Variants in CCNY observed in about 807,000 individuals in gnomAD.
CCNY encodes cyclin Y.
Under a neutral mutation model 42.8 loss-of-function variants are expected in CCNY, and 19 were observed. That is an observed-to-expected ratio of 0.44 (90% CI 0.31 to 0.65). The LOEUF (loss-of-function observed/expected upper bound fraction) is 0.65. Among genes scored for constraint, CCNY ranks in the 30% least tolerant of loss-of-function variants. The pLI is 0.07. For missense variants in CCNY, 370 were observed against 437.3 expected, an observed-to-expected ratio of 0.85 and a Z score of 1.37; for synonymous variants, 165 against 162.7, an observed-to-expected ratio of 1.01 and a Z score of -0.11.
chr10:35,424,740 C>T lies in CCNY; in HGVS notation c.155-58664C>T, dbSNP rs116629051. Among the ~76,000 whole-genome samples the T allele has an allele frequency of 5.9e-3, 895 of 152,260 alleles. 12 individuals are homozygous for T. The highest frequency in any genetic ancestry group is 0.019 in the African/African-American group (809 of 41,546). On this transcript the variant is annotated intron_variant, in intron 1 of 9. Transcript: ENST00000374704. ...TCCTAAGTCTAGCTGAGAACCAAGG[C>T]GTGTTCCCAAGTGTGCCTGGCCAGG...
chr10:35,386,953 G>A (rs537690803), intron 1 of CCNY, among the ~76,000 whole-genome samples: 2 of 152,218 alleles, frequency 1.3e-5, no homozygotes, highest in African/African-American at 2.4e-5. Context: ...CTTTGTGCAC[G>A]TTCACATTCT....
intron 3 of CCNY, among the ~76,000 whole-genome samples, chr10:35,280,649 C>T (rs1481418647): frequency 6.6e-6 from 1 of 152,132 alleles, no homozygotes; most frequent in African/African-American, 2.4e-5. Flanking sequence ...AAATACAAAC[C>T]TCTTAAAAGT....
At chr10:35,415,801 T>C (rs1327166785) in intron 1 of CCNY, among the ~76,000 whole-genome samples, 1 of 152,216 alleles carries the variant, frequency 6.6e-6, no homozygotes, top group Admixed American at 6.5e-5. Context: ...TCCAGATCAC[T>C]GTAGGCCAGC....
upstream of CCNY, among the ~76,000 whole-genome samples, chr10:35,333,393 C>T (rs1222536726): frequency 1.3e-5 from 2 of 152,214 alleles, no homozygotes; most frequent in Non-Finnish European, 2.9e-5. Flanking sequence ...CTGAACCCCA[C>T]AGAAATAACA....
At chr10:35,485,907 A>G (rs1408489761) in intron 2 of CCNY, among the ~76,000 whole-genome samples, 1 of 151,986 alleles carries the variant, frequency 6.6e-6, no homozygotes, top group African/African-American at 2.4e-5. Context: ...TGTCCCTCTA[A>G]TGTAGTATTT....
intron 2 of CCNY, 84 bp from the exon 3 acceptor site, chr10:35,501,417 G>A (rs1840108055): frequency 2.6e-6 from 3 of 1,165,688 alleles, no homozygotes; most frequent in African/African-American, 1.5e-5. Flanking sequence ...ACGGGACCAC[G>A]ACACAGAGGC....
At chr10:35,263,018 G>T (rs921588303) in intron 3 of CCNY, among the ~76,000 whole-genome samples, 4 of 151,930 alleles carry the variant, frequency 2.6e-5, no homozygotes, top group African/African-American at 9.7e-5. Flanking sequence ...AGGAGTTCAA[G>T]ACCAGCCTGA....
chr10:35,310,902 A>T (rs1317774007), intron 3 of CCNY, among the ~76,000 whole-genome samples: 1 of 152,158 alleles, frequency 6.6e-6, no homozygotes, highest in African/African-American at 2.4e-5. Flanking sequence ...GTACTTTGGG[A>T]GGCCAAGGTG....
intron 3 of CCNY, among the ~76,000 whole-genome samples, chr10:35,279,191 T>C (rs949722136): frequency 2.0e-5 from 3 of 150,212 alleles, no homozygotes; most frequent in African/African-American, 7.4e-5. Flanking sequence ...TTTTGGCTCA[T>C]TGCAACCTCC....
chr10:35,563,899 A>T (rs1258960042), intron 8 of CCNY, among the ~76,000 whole-genome samples: 1 of 146,832 alleles, frequency 6.8e-6, no homozygotes, highest in African/African-American at 2.5e-5. Context: ...TTTTTGAGAC[A>T]GAGTTTCGCT....
chr10:35,406,195 T>TTTTTA (rs1023636138), intron 1 of CCNY, among the ~76,000 whole-genome samples: 16 of 146,026 alleles, frequency 1.1e-4, no homozygotes, highest in African/African-American at 2.5e-4. Flanking sequence ...TTTTTTTTCT[T>TTTTTA]TTTTATTTTA....
At chr10:35,457,718 C>T (rs1839068383) in intron 1 of CCNY, among the ~76,000 whole-genome samples, 1 of 152,010 alleles carries the variant, frequency 6.6e-6, no homozygotes, top group Non-Finnish European at 1.5e-5. Flanking sequence ...GTAGCTGGGA[C>T]TACAGGCGCC....
chr10:35,302,967 A>G (rs1375212128), intron 3 of CCNY, among the ~76,000 whole-genome samples: 1 of 152,060 alleles, frequency 6.6e-6, no homozygotes, highest in African/African-American at 2.4e-5. Context: ...AAGCCGAGGC[A>G]GGAAGATTGC....
At chr10:35,412,624 G>A (rs867983227) in intron 1 of CCNY, among the ~76,000 whole-genome samples, 1 of 151,208 alleles carries the variant, frequency 6.6e-6, no homozygotes. Context: ...GCCAAGGTGG[G>A]TAGATTGCCT....
chr10:35,460,162 T>C (rs1322427134), intron 1 of CCNY, among the ~76,000 whole-genome samples: 3 of 152,210 alleles, frequency 2.0e-5, no homozygotes, highest in African/African-American at 7.2e-5. Context: ...ACCTAGTGTC[T>C]CCCTGCCGCT....
chr10:35,406,599 A>C (rs1837778945), intron 1 of CCNY, among the ~76,000 whole-genome samples: 1 of 152,220 alleles, frequency 6.6e-6, no homozygotes. Context: ...CTTAGTACAG[A>C]ACAAAATGAA....
At chr10:35,527,756 G>C (rs1398126827) in intron 5 of CCNY, among the ~76,000 whole-genome samples, 1 of 152,210 alleles carries the variant, frequency 6.6e-6, no homozygotes, top group East Asian at 1.9e-4. Context: ...TTAATGTACA[G>C]ATTGCCACCT....
At chr10:35,476,717 T>TTA (rs1354796273) in intron 1 of CCNY, among the ~76,000 whole-genome samples, 109 of 149,836 alleles carry the variant, frequency 7.3e-4, no homozygotes, top group African/African-American at 2.6e-3. Context: ...AACATCACAA[T>TTA]TAAAAGAACT....
chr10:35,335,501 C>T (rs1056203916), upstream of CCNY, among the ~76,000 whole-genome samples: 3 of 151,994 alleles, frequency 2.0e-5, no homozygotes, highest in African/African-American at 7.3e-5. Context: ...ATCAAGTCCT[C>T]GGCAAAGCTC....
Sources: gnomAD v4.1 joint callset for allele counts (sites outside exome capture counted in the v4.1 genomes callset) on GRCh38, gnomAD v4.1.1 for gene constraint, MANE v1.5 for transcripts, NCBI Gene and HGNC (gene_info 2026-07-23, HGNC 2026-07-21) for gene names.